Variants in BAZ2B observed in about 807,000 individuals in gnomAD.
BAZ2B encodes bromodomain adjacent to zinc finger domain protein 2B.
In BAZ2B, 91 loss-of-function variants were observed where a neutral mutation model predicts 246.0. That is an observed-to-expected ratio of 0.37 (90% CI 0.31 to 0.44). The LOEUF (loss-of-function observed/expected upper bound fraction) is 0.44. Among genes scored for constraint, BAZ2B ranks in the 20% least tolerant of loss-of-function variants. BAZ2B has a pLI of 1.00. For synonymous variants in BAZ2B, 855 were observed against 860.0 expected (o/e 0.99, Z 0.10); for missense variants, 2,332 against 2,533.7 (o/e 0.92, Z 1.71).
At chr2:159,416,529 C>A (rs539258005) in intron 13 of BAZ2B, among the ~76,000 whole-genome samples, 2 of 152,266 alleles carry the variant, frequency 1.3e-5, no homozygotes, top group South Asian at 4.1e-4. Context: ...TACTAAAAGT[C>A]TGTAAACAAA....
chr2:159,374,590 A>G, intron 26 of BAZ2B, 101 bp downstream of exon 26: 1 of 972,710 alleles, frequency 1.0e-6, no homozygotes, highest in Non-Finnish European at 1.6e-6. Flanking sequence ...TTACTCACCA[A>G]AAGCCTATTT....
the BAZ2B span, among the ~76,000 whole-genome samples, chr2:159,625,111 G>A: frequency 5.3e-5 from 8 of 151,860 alleles, no homozygotes; most frequent in Non-Finnish European, 1.2e-4. Flanking sequence ...AAAATAAAGC[G>A]AGAAGACAAG....
intron 2 of BAZ2B, among the ~76,000 whole-genome samples, chr2:159,542,785 AAT>A (rs1159210398): frequency 6.6e-6 from 1 of 152,190 alleles, no homozygotes; most frequent in Non-Finnish European, 1.5e-5. Context: ...AGAATTCTAT[AAT>A]ATATCCAGCA....
chr2:159,440,837 A>G (rs1449314765), intron 6 of BAZ2B, among the ~76,000 whole-genome samples: 1 of 151,920 alleles, frequency 6.6e-6, no homozygotes, highest in African/African-American at 2.4e-5. Flanking sequence ...AACTGCTCCA[A>G]ACTAGTTACA....
the BAZ2B span, among the ~76,000 whole-genome samples, chr2:159,695,942 G>T: frequency 5.9e-5 from 9 of 151,682 alleles, no homozygotes; most frequent in Non-Finnish European, 1.0e-4. Flanking sequence ...GTTTGTTTTA[G>T]TAGAGACAGG....
At position 159,374,757 on chromosome 2, in the gene BAZ2B, T is replaced by C. The variant is rs560373835; in HGVS notation, c.4006-4A>G. 9 of 1,609,708 alleles carry C rather than the reference T, an allele frequency of 5.6e-6. No homozygotes were observed. The highest frequency in any genetic ancestry group is 1.7e-4 in the Middle Eastern group (1 of 5,916). ...TTGCTGCTTGGTCACCTTCATCCTA[T>C]ACATAAGAAAATACAGTGTCATTTA... On this transcript the variant is annotated splice_polypyrimidine_tract_variant and splice_region_variant and intron_variant, in intron 25 of 36. Transcript: ENST00000392783.
intron 2 of BAZ2B, among the ~76,000 whole-genome samples, chr2:159,539,154 C>T (rs2086358184): frequency 6.6e-6 from 1 of 152,180 alleles, no homozygotes; most frequent in Admixed American, 6.5e-5. Context: ...ATTAAACATA[C>T]ACCTCTACTG....
At chr2:159,465,033 T>G (rs2076874413) in intron 3 of BAZ2B, among the ~76,000 whole-genome samples, 1 of 152,220 alleles carries the variant, frequency 6.6e-6, no homozygotes, top group Admixed American at 6.5e-5. Context: ...TTGCTAGAGC[T>G]GCCATAACAA....
the BAZ2B span, among the ~76,000 whole-genome samples, chr2:159,688,432 TC>T: frequency 6.6e-6 from 1 of 152,158 alleles, no homozygotes; most frequent in Non-Finnish European, 1.5e-5. Context: ...CTCTTTCTAC[TC>T]CCTTTATAAA....
chr2:159,572,120 G>A (rs1337472881), intron 1 of BAZ2B, among the ~76,000 whole-genome samples: 2 of 152,206 alleles, frequency 1.3e-5, no homozygotes, highest in African/African-American at 2.4e-5. Context: ...TCCATGTGCT[G>A]AGAGGGTAGC....
At chr2:159,582,063 T>TGTA (rs1553732695) in intron 1 of BAZ2B, among the ~76,000 whole-genome samples, 1 of 151,936 alleles carries the variant, frequency 6.6e-6, no homozygotes, top group Non-Finnish European at 1.5e-5. Flanking sequence ...GAACTTAAAG[T>TGTA]ATAAAAAAAA....
chr2:159,594,760 C>T (rs952096781), intron 1 of BAZ2B, among the ~76,000 whole-genome samples: 6 of 151,806 alleles, frequency 4.0e-5, no homozygotes, highest in African/African-American at 7.3e-5. Flanking sequence ...GTCTCCCAAG[C>T]GGCTGGGACT....
the BAZ2B span, among the ~76,000 whole-genome samples, chr2:159,702,288 C>T: frequency 6.6e-6 from 1 of 152,110 alleles, no homozygotes; most frequent in African/African-American, 2.4e-5. Context: ...AGAATTAATG[C>T]TAATCATGTC....
At chr2:159,374,935 C>G (rs1282024302) in intron 25 of BAZ2B, among the ~76,000 whole-genome samples, 182 bp from the exon 26 acceptor site, 1 of 151,940 alleles carries the variant, frequency 6.6e-6, no homozygotes, top group African/African-American at 2.4e-5. Flanking sequence ...AACACAAAAA[C>G]CTAGGTATGG....
intron 33 of BAZ2B, among the ~76,000 whole-genome samples, chr2:159,336,097 G>T (rs534232208): frequency 6.6e-6 from 1 of 152,138 alleles, no homozygotes; most frequent in Admixed American, 6.5e-5. Flanking sequence ...GGAGGCAGAG[G>T]TTGCAGTGAG....
chr2:159,401,703 C>T (rs2065097318), intron 16 of BAZ2B, among the ~76,000 whole-genome samples: 1 of 151,976 alleles, frequency 6.6e-6, no homozygotes, highest in African/African-American at 2.4e-5. Context: ...TGTTTTATAA[C>T]TTAGTGATCA....
the BAZ2B span, among the ~76,000 whole-genome samples, chr2:159,651,537 T>C: frequency 6.6e-6 from 1 of 152,130 alleles, no homozygotes; most frequent in African/African-American, 2.4e-5. Flanking sequence ...TATGTCAGGA[T>C]TGGTAGGAAG....
the BAZ2B span, among the ~76,000 whole-genome samples, chr2:159,635,213 AATTTAGATC>A: frequency 6.6e-6 from 1 of 152,190 alleles, no homozygotes; most frequent in African/African-American, 2.4e-5. Flanking sequence ...TAATCCTTGG[AATTTAGATC>A]ATTCCCTCAA....
chr2:159,676,163 G>A, the BAZ2B span, among the ~76,000 whole-genome samples: 3 of 151,668 alleles, frequency 2.0e-5, no homozygotes, highest in Admixed American at 1.3e-4. Flanking sequence ...AAAGCGCTGG[G>A]ATTACAGGCA....
Sources: gnomAD v4.1 joint callset for allele counts (sites outside exome capture counted in the v4.1 genomes callset) on GRCh38, gnomAD v4.1.1 for gene constraint, MANE v1.5 for transcripts, NCBI Gene and HGNC (gene_info 2026-07-23, HGNC 2026-07-21) for gene names.